The following OCA2 variants were observed in gnomAD, a reference collection of about 807,000 sequenced individuals.
OCA2 encodes the protein P protein.
Under a neutral mutation model 100.2 loss-of-function variants are expected in OCA2, and 77 were observed. The ratio of observed to expected loss-of-function variants is 0.77; its 90% CI spans 0.64 to 0.93. The LOEUF (loss-of-function observed/expected upper bound fraction) is 0.93. Among genes scored for constraint, OCA2 ranks in the 40% least tolerant of loss-of-function variants. The probability of loss-of-function intolerance (pLI) is 0.00; values close to 1 mark genes in which losing one functional copy is unlikely to be tolerated. For synonymous variants in OCA2, 432 were observed against 439.2 expected, an observed-to-expected ratio of 0.98 and a Z score of 0.21; for missense variants, 1,062 against 1,089.1, an observed-to-expected ratio of 0.98 and a Z score of 0.35.
intron 18 of OCA2, among the ~76,000 whole-genome samples, chr15:27,937,888 C>A (rs889797689): frequency 3.9e-5 from 6 of 152,300 alleles, no homozygotes; most frequent in South Asian, 2.1e-4. Flanking sequence ...TAGTAGTACA[C>A]TTTGAGACAT....
chr15:27,823,454 TAATA>T (rs566318792), intron 23 of OCA2, among the ~76,000 whole-genome samples: 79 of 152,324 alleles, frequency 5.2e-4, no homozygotes, highest in Non-Finnish European at 1.0e-3. Flanking sequence ...TTTTCCCAAA[TAATA>T]AATAAGATTT....
chr15:28,023,381 T>C (rs574467687), intron 5 of OCA2, among the ~76,000 whole-genome samples: 14 of 152,216 alleles, frequency 9.2e-5, no homozygotes, highest in Non-Finnish European at 1.8e-4. Context: ...CAATCAGCAC[T>C]GACTTCGTAC....
chr15:27,922,953 C>G (rs977354119), intron 19 of OCA2, among the ~76,000 whole-genome samples: 1 of 152,106 alleles, frequency 6.6e-6, no homozygotes, highest in African/African-American at 2.4e-5. Context: ...TCCTGATCCT[C>G]TCCCTCCTCC....
intron 14 of OCA2, among the ~76,000 whole-genome samples, chr15:27,968,519 T>C (rs1369622735): frequency 2.0e-5 from 3 of 152,262 alleles, no homozygotes; most frequent in Admixed American, 6.5e-5. Flanking sequence ...TGATTTAAAC[T>C]ATATTAATTG....
chr15:28,026,205 T>C (rs1005897499), intron 4 of OCA2, among the ~76,000 whole-genome samples: 1 of 152,214 alleles, frequency 6.6e-6, no homozygotes, highest in Non-Finnish European at 1.5e-5. Context: ...TTTAGTTCAG[T>C]GGCAAGCTCA....
intron 23 of OCA2, among the ~76,000 whole-genome samples, chr15:27,778,585 T>C (rs1028719243): frequency 2.0e-5 from 3 of 152,006 alleles, no homozygotes; most frequent in Admixed American, 1.3e-4. Flanking sequence ...TTAAATTACA[T>C]ATCTTGTAGA....
At chr15:27,930,395 T>C (rs575954568) in intron 18 of OCA2, among the ~76,000 whole-genome samples, 8 of 152,168 alleles carry the variant, frequency 5.3e-5, no homozygotes, top group African/African-American at 1.9e-4. Flanking sequence ...AGACCAAATA[T>C]ACATATATAC....
chr15:27,984,165 A>C (rs749273035), intron 13 of OCA2, among the ~76,000 whole-genome samples: 2 of 151,894 alleles, frequency 1.3e-5, no homozygotes, highest in African/African-American at 2.4e-5. Flanking sequence ...ATTCATGCTA[A>C]CTGTATTCAC....
At chr15:27,853,668 G>C (rs2035847112) in intron 21 of OCA2, among the ~76,000 whole-genome samples, 1 of 151,882 alleles carries the variant, frequency 6.6e-6, no homozygotes, top group Admixed American at 6.6e-5. Flanking sequence ...CACAGCCATT[G>C]AGCCTGCCTC....
chr15:28,092,138 C>A (rs927621183), intron 1 of OCA2, among the ~76,000 whole-genome samples: 1 of 152,218 alleles, frequency 6.6e-6, no homozygotes, highest in East Asian at 1.9e-4. Context: ...TATTGCCTGA[C>A]TCCATGTATA....
intron 9 of OCA2, among the ~76,000 whole-genome samples, chr15:28,006,582 G>A (rs776653196): frequency 2.0e-5 from 3 of 152,220 alleles, no homozygotes; most frequent in Admixed American, 6.5e-5. Context: ...TATGTGTTAA[G>A]CAGAGGGAGT....
At chr15:28,089,553 C>T (rs998939898) in intron 1 of OCA2, among the ~76,000 whole-genome samples, 7 of 152,136 alleles carry the variant, frequency 4.6e-5, no homozygotes, top group Non-Finnish European at 7.3e-5. Flanking sequence ...CTTCCCGCAA[C>T]AACAAATCAA....
chr15:27,752,674 T>C (rs1293119060), downstream of OCA2, among the ~76,000 whole-genome samples: 1 of 151,646 alleles, frequency 6.6e-6, no homozygotes, highest in Non-Finnish European at 1.5e-5. Context: ...CTCAGGATGA[T>C]TCCCACAGCC....
chr15:27,755,017 CTG>C lies in OCA2; in HGVS notation c.*369_*370del. The C allele has an allele frequency of 4.0e-6, 1 of 250,538 alleles. No individual in the cohort carries two copies. The highest frequency in any genetic ancestry group is 8.0e-6 in the Non-Finnish European group (1 of 125,726). 15.5% of individuals were successfully genotyped at this position (250,538 alleles called of 1,614,324 possible). The stretch of plus-strand genomic sequence containing the variant: ...GAAAAGTGATTACAAGAAAAACAAA[CTG>C]TGTTTAGCCTCAGGAGAATTGACAG... On this transcript the variant is annotated 3_prime_UTR_variant, in exon 24 of 24. Transcript: ENST00000354638.
At chr15:28,030,741 A>G (rs1459479617) in intron 3 of OCA2, among the ~76,000 whole-genome samples, 1 of 152,202 alleles carries the variant, frequency 6.6e-6, no homozygotes, top group Admixed American at 6.5e-5. Flanking sequence ...ATGCAGGTAC[A>G]CACCATCAGT....
intron 19 of OCA2, among the ~76,000 whole-genome samples, chr15:27,878,737 T>C (rs1054740214): frequency 2.0e-5 from 3 of 152,334 alleles, no homozygotes; most frequent in African/African-American, 7.2e-5. Context: ...AAATTGTAAA[T>C]GTGTCTTTGC....
At chr15:27,886,547 G>A (rs1448489332) in intron 19 of OCA2, among the ~76,000 whole-genome samples, 1 of 152,034 alleles carries the variant, frequency 6.6e-6, no homozygotes, top group Non-Finnish European at 1.5e-5. Flanking sequence ...TCAAAACACT[G>A]AAAAACAAGA....
chr15:27,827,634 G>A (rs1168269268), intron 23 of OCA2, among the ~76,000 whole-genome samples: 2 of 151,776 alleles, frequency 1.3e-5, no homozygotes, highest in Non-Finnish European at 2.9e-5. Context: ...GAAATGTCCA[G>A]CTTACTAGAA....
intron 23 of OCA2, among the ~76,000 whole-genome samples, chr15:27,832,498 G>A (rs1244706329): frequency 6.6e-6 from 1 of 152,164 alleles, no homozygotes; most frequent in Non-Finnish European, 1.5e-5. Flanking sequence ...CTCTTGCCCG[G>A]CCATCAGGGA....
Sources: gnomAD v4.1 joint callset for allele counts (sites outside exome capture counted in the v4.1 genomes callset) on GRCh38, gnomAD v4.1.1 for gene constraint, MANE v1.5 for transcripts, NCBI Gene and HGNC (gene_info 2026-07-23, HGNC 2026-07-21) for gene names.